SEMA3A: variants seen among roughly 807,000 people sequenced by gnomAD.
SEMA3A encodes semaphorin-3A.
In SEMA3A, 29 loss-of-function variants were observed where a neutral mutation model predicts 97.9. The observed-to-expected ratio is 0.30, with a 90% CI of 0.22 to 0.40. The LOEUF (loss-of-function observed/expected upper bound fraction) is 0.40, where lower values mean the gene tolerates loss of function less well. Ranked by LOEUF, SEMA3A falls within the 10% of genes least tolerant of loss-of-function variation. SEMA3A has a pLI of 1.00. For synonymous variants in SEMA3A, 321 were observed against 323.7 expected (o/e 0.99, Z 0.09); for missense variants, 763 against 951.3 (o/e 0.80, Z 2.60).
At position 84,209,448 on chromosome 7, in the gene SEMA3A, G is replaced by A. The variant is rs545030774; in HGVS notation, c.-82-14780C>T. On this transcript the variant is annotated intron_variant, in intron 3 of 3. Transcript: ENST00000424555. ...CAACCTGAGTCCTATTTCCAGTTTG[G>A]GCACTAACCAATTATGTGTTGAGTT... is the stretch of plus-strand genomic sequence containing the variant. 2.6e-5 allele frequency among the ~76,000 whole-genome samples: 4 copies of A among 152,210 alleles called. No homozygotes were observed. In the South Asian group the frequency reaches 8.3e-4, roughly 32 times the overall value.
intron 7 of SEMA3A, 28 bp downstream of exon 7, chr7:84,014,181 C>A (rs754276412): frequency 2.6e-5 from 41 of 1,579,034 alleles, no homozygotes; most frequent in Admixed American, 3.7e-5. Flanking sequence ...AAATGACATC[C>A]TTCTCAGTTT....
intron 3 of SEMA3A, 27 bp from the exon 4 acceptor site, chr7:84,110,616 G>A (rs1252434622): frequency 1.9e-6 from 3 of 1,612,504 alleles, no homozygotes. Flanking sequence ...AAACCAAAGA[G>A]TTTCAGCAAT....
chr7:84,064,926 G>C (rs60802176), intron 4 of SEMA3A, among the ~76,000 whole-genome samples: 2,587 of 152,336 alleles, frequency 0.017, 74 homozygotes, highest in African/African-American at 0.059. Flanking sequence ...GGACCTAATA[G>C]ACATCTACAG....
chr7:84,132,448 G>T (rs1795988191), intron 2 of SEMA3A, among the ~76,000 whole-genome samples: 1 of 151,624 alleles, frequency 6.6e-6, no homozygotes, highest in African/African-American at 2.4e-5. Flanking sequence ...AGAAATAATT[G>T]AATAGTTTAA....
chr7:84,409,889 G>A (rs116425273), intron 1 of SEMA3A, among the ~76,000 whole-genome samples: 2,365 of 151,978 alleles, frequency 0.016, 66 homozygotes, highest in African/African-American at 0.054. Flanking sequence ...TGCTTTCCAC[G>A]TTTCTCCTAT....
chr7:84,011,367 T>C, intron 7 of SEMA3A, 70 bp from the exon 8 acceptor site: 1 of 977,724 alleles, frequency 1.0e-6, no homozygotes, highest in Non-Finnish European at 1.6e-6. Flanking sequence ...TCTATTTTCT[T>C]CATATCTTCA....
Position 83,960,830 on chromosome 7 carries a change from T to C in SEMA3A, c.*541A>G, listed in dbSNP as rs1388920335. 6.5e-6 allele frequency: 1 copy of C among 154,340 alleles called. No homozygotes were observed. Among genetic ancestry groups the C allele is most frequent in the African/African-American group, 2.4e-5 (1 of 41,416 alleles). 9.6% of individuals were successfully genotyped at this position (154,340 alleles called of 1,614,324 possible). A position where few individuals can be genotyped will look rare whatever the true frequency, so the allele number is the denominator to read the frequency against. ...TGGATGATGGATGGCTTATGTTTTT[T>C]TTTTTTTTTAATATTTCCACAGAAC... On this transcript the variant is annotated 3_prime_UTR_variant, in exon 17 of 17. Transcript: ENST00000265362.
chr7:84,188,985 C>T (rs1797963271), intron 1 of SEMA3A, among the ~76,000 whole-genome samples: 1 of 151,734 alleles, frequency 6.6e-6, no homozygotes, highest in African/African-American at 2.4e-5. Flanking sequence ...AGTAGCCTGC[C>T]CATTTCCAAA....
chr7:84,294,273 A>G (rs1800818369), intron 3 of SEMA3A, among the ~76,000 whole-genome samples: 1 of 152,040 alleles, frequency 6.6e-6, no homozygotes, highest in Non-Finnish European at 1.5e-5. Context: ...CTGGCACCAT[A>G]GGAAACACTG....
At chr7:84,364,352 T>C (rs1347977283) in intron 2 of SEMA3A, among the ~76,000 whole-genome samples, 2 of 151,674 alleles carry the variant, frequency 1.3e-5, no homozygotes, top group Non-Finnish European at 3.0e-5. Context: ...GACACAAATA[T>C]ATAAAACGAT....
At chr7:84,426,989 TG>T (rs1356454938) in intron 1 of SEMA3A, among the ~76,000 whole-genome samples, 7 of 152,162 alleles carry the variant, frequency 4.6e-5, no homozygotes, top group Admixed American at 4.6e-4. Flanking sequence ...GCCAGAAGAC[TG>T]ACCCCTGATG....
intron 2 of SEMA3A, among the ~76,000 whole-genome samples, chr7:84,330,468 T>G (rs1801884310): frequency 6.6e-6 from 1 of 152,106 alleles, no homozygotes; most frequent in African/African-American, 2.4e-5. Context: ...ATGTTTCCAA[T>G]GAAGTTCATG....
chr7:84,432,860 A>ATTTT (rs34970127), intron 1 of SEMA3A, among the ~76,000 whole-genome samples: 9 of 138,942 alleles, frequency 6.5e-5, no homozygotes, highest in Non-Finnish European at 1.4e-4. Flanking sequence ...ACAAATGTGA[A>ATTTT]TTTTTTTTTT....
At chr7:84,331,506 T>C (rs900984861) in intron 2 of SEMA3A, among the ~76,000 whole-genome samples, 2 of 152,148 alleles carry the variant, frequency 1.3e-5, no homozygotes, top group African/African-American at 2.4e-5. Context: ...AATTGTTCTT[T>C]ATTACTAGCA....
intron 3 of SEMA3A, among the ~76,000 whole-genome samples, chr7:84,256,072 CTG>C (rs1399060760): frequency 6.6e-6 from 1 of 152,044 alleles, no homozygotes; most frequent in Admixed American, 6.6e-5. Flanking sequence ...ACTTAAGTCT[CTG>C]TATGTTTGAT....
At chr7:84,425,022 A>ATATATAATTATTTATAATTATATATAAT (rs1251765847) in intron 1 of SEMA3A, among the ~76,000 whole-genome samples, 5 of 102,530 alleles carry the variant, frequency 4.9e-5, no homozygotes, top group South Asian at 3.2e-4. Context: ...TTATTTATTT[A>ATATATAATTATTTATAATTATATATAAT]TATATAATTA....
chr7:84,067,608 C>T (rs1008733991), intron 4 of SEMA3A, among the ~76,000 whole-genome samples: 18 of 152,044 alleles, frequency 1.2e-4, no homozygotes, highest in Admixed American at 8.5e-4. Context: ...AAAAAGTTGG[C>T]GAAGGACATG....
intron 2 of SEMA3A, among the ~76,000 whole-genome samples, chr7:84,360,325 A>G (rs1802684380): frequency 1.3e-5 from 2 of 151,578 alleles, no homozygotes; most frequent in South Asian, 4.2e-4. Context: ...TGTGTCCCAG[A>G]GATTCTGCTA....
At chr7:84,160,383 C>T (rs1208863013) in intron 1 of SEMA3A, among the ~76,000 whole-genome samples, 2 of 151,764 alleles carry the variant, frequency 1.3e-5, no homozygotes, top group Non-Finnish European at 2.9e-5. Context: ...AACCCCGTCT[C>T]TAAAAAAAAT....
Sources: allele counts gnomAD v4.1 joint callset (sites outside exome capture counted in the v4.1 genomes callset), GRCh38; gene constraint gnomAD v4.1.1; transcripts MANE v1.5; gene names NCBI Gene and HGNC (gene_info 2026-07-23, HGNC 2026-07-21).